The following TMTC1 variants were observed in gnomAD, a reference collection of about 807,000 sequenced individuals.
TMTC1 encodes the protein transmembrane O-mannosyltransferase targeting cadherins 1, also known as protein O-mannosyl-transferase TMTC1.
TMTC1 carries 73 observed loss-of-function variants against 104.8 expected under a neutral mutation model. The observed-to-expected ratio is 0.70, with a 90% CI of 0.58 to 0.85. The LOEUF is 0.85. TMTC1 is among the 40% of genes least tolerant of loss of function. The pLI is 0.00. For synonymous variants in TMTC1, 434 were observed against 428.7 expected, an observed-to-expected ratio of 1.01 and a Z score of -0.15; for missense variants, 1,035 against 1,096.1, an observed-to-expected ratio of 0.94 and a Z score of 0.79.
chr12:29,753,809 G>A (rs1345343304), intron 4 of TMTC1, among the ~76,000 whole-genome samples: 1 of 152,212 alleles, frequency 6.6e-6, no homozygotes, highest in Non-Finnish European at 1.5e-5. Context: ...ACAAAAGCAT[G>A]AAGAAAAGAA....
intron 5 of TMTC1, among the ~76,000 whole-genome samples, chr12:29,649,043 C>T (rs553786627): frequency 6.6e-6 from 1 of 152,216 alleles, no homozygotes; most frequent in Admixed American, 6.5e-5. Context: ...CCCACATTCA[C>T]TTGTCCTTGG....
chr12:29,745,803 T>C (rs182391739), intron 5 of TMTC1, among the ~76,000 whole-genome samples: 34 of 152,278 alleles, frequency 2.2e-4, no homozygotes, highest in African/African-American at 7.0e-4. Flanking sequence ...TTGGTCAGTG[T>C]CATTATATAG....
At chr12:29,628,259 A>C (rs1228303296) in intron 6 of TMTC1, among the ~76,000 whole-genome samples, 1 of 152,186 alleles carries the variant, frequency 6.6e-6, no homozygotes, top group Non-Finnish European at 1.5e-5. Context: ...TTCTGCCCCT[A>C]CATTACATAC....
At chr12:29,750,062 TACACACACACACAC>T (rs34859060) in intron 5 of TMTC1, among the ~76,000 whole-genome samples, 1 of 146,536 alleles carries the variant, frequency 6.8e-6, no homozygotes, top group East Asian at 2.0e-4. Flanking sequence ...TAACTGTCTA[TACACACACACACAC>T]ACACACACAC....
In TMTC1 at chr12:29,736,226, G is replaced by C. The variant is rs187742631; in HGVS notation, c.938+15440C>G. 2.2e-5 allele frequency among the ~76,000 whole-genome samples: 3 copies of C among 137,338 alleles called. No homozygotes were observed. The Admixed American group carries it at 2.3e-4, about 11-fold the overall frequency. 90.1% of individuals were successfully genotyped at this position (137,338 alleles called of 152,430 possible). A position where few individuals can be genotyped will look rare whatever the true frequency, so the allele number is the denominator to read the frequency against. ...CCAAAGGCTATGTTAAGGTAGACTTGAGCTCCACCCGTAGTTTCACTCCTT... is the reference window on the plus strand; with the variant it reads ...CCAAAGGCTATGTTAAGGTAGACTTCAGCTCCACCCGTAGTTTCACTCCTT... On this transcript the variant is annotated intron_variant, in intron 5 of 17. Transcript: ENST00000539277.
At chr12:29,617,673 C>T (rs1947024281) in intron 6 of TMTC1, among the ~76,000 whole-genome samples, 1 of 151,720 alleles carries the variant, frequency 6.6e-6, no homozygotes, top group Admixed American at 6.6e-5. Context: ...TTAAGGTGGA[C>T]AAGAAATGGA....
chr12:29,643,875 ATAAATT>A (rs1446962486), intron 5 of TMTC1, among the ~76,000 whole-genome samples: 1,197 of 75,792 alleles, frequency 0.016, 42 homozygotes, highest in African/African-American at 0.054. Context: ...ATTTTTATAT[ATAAATT>A]TAAATATATA....
intron 7 of TMTC1, among the ~76,000 whole-genome samples, chr12:29,596,738 C>A (rs1216073871): frequency 6.6e-6 from 1 of 152,192 alleles, no homozygotes; most frequent in Non-Finnish European, 1.5e-5. Context: ...CCCTCTACTG[C>A]ATTGTACTAT....
At position 29,556,978 on chromosome 12, in the gene TMTC1, C is replaced by A; in HGVS notation, c.1555G>T (p.Ala519Ser). The change falls in exon 10 of 18, where the codon GCG becomes TCG. Residue 519 changes from alanine to serine, a missense_variant. Coordinates refer to ENST00000539277, the MANE Select transcript of TMTC1 (RefSeq NM_001193451.2). ...GTCAGTGTTCCAAGGTTGTTGAGCG[C>A]ACTTGCATGGCGTGGATACAACCTG... is the stretch of plus-strand genomic sequence containing the variant. The part of the protein sequence containing the change: ...ALKLYPRHAS[A>S]LNNLGTLTRD... 6.2e-7 allele frequency: 1 copy of A among 1,614,104 alleles called. No individual in the cohort carries two copies. The highest frequency in any genetic ancestry group is 1.7e-5 in the Admixed American group (1 of 60,014).
chr12:29,572,970 TTC>T (rs1945722493), intron 8 of TMTC1, among the ~76,000 whole-genome samples: 1 of 152,220 alleles, frequency 6.6e-6, no homozygotes, highest in Admixed American at 6.5e-5. Flanking sequence ...GTGTCCTCTA[TTC>T]TCTGTCTTCT....
chr12:29,665,309 A>G (rs1940234268), intron 5 of TMTC1, among the ~76,000 whole-genome samples: 1 of 152,244 alleles, frequency 6.6e-6, no homozygotes, highest in South Asian at 2.1e-4. Flanking sequence ...ATTGTAAAAC[A>G]GTATTTGTAA....
At chr12:29,615,446 A>G (rs1383243766) in intron 6 of TMTC1, among the ~76,000 whole-genome samples, 3 of 152,206 alleles carry the variant, frequency 2.0e-5, no homozygotes, top group Non-Finnish European at 4.4e-5. Context: ...GAAGATACAA[A>G]TTTTTAACTT....
At chr12:29,642,744 T>C (rs1202266943) in intron 5 of TMTC1, among the ~76,000 whole-genome samples, 3 of 152,018 alleles carry the variant, frequency 2.0e-5, no homozygotes, top group African/African-American at 7.2e-5. Flanking sequence ...GCTAACATGG[T>C]GAAACCCCGT....
At chr12:29,779,022 C>T (rs1375543361) in intron 1 of TMTC1, among the ~76,000 whole-genome samples, 1 of 152,170 alleles carries the variant, frequency 6.6e-6, no homozygotes, top group Non-Finnish European at 1.5e-5. Context: ...AAGGCTCCAA[C>T]TTTAACAATG....
At chr12:29,655,231 C>T (rs1158437653) in intron 5 of TMTC1, among the ~76,000 whole-genome samples, 1 of 152,028 alleles carries the variant, frequency 6.6e-6, no homozygotes, top group Non-Finnish European at 1.5e-5. Flanking sequence ...TCTACAGACA[C>T]AGAAAGTAGA....
chr12:29,773,062 A>AT (rs965746012), intron 1 of TMTC1, among the ~76,000 whole-genome samples: 5 of 152,180 alleles, frequency 3.3e-5, no homozygotes, highest in Admixed American at 1.3e-4. Context: ...ATAAAATAAT[A>AT]TTTTTGGAAA....
chr12:29,752,023 C>A, intron 4 of TMTC1, 151 bp from the exon 5 acceptor site: 3 of 728,556 alleles, frequency 4.1e-6, no homozygotes, highest in Non-Finnish European at 6.6e-6. Flanking sequence ...ATATTTACTG[C>A]CATATTATTA....
intron 9 of TMTC1, chr12:29,568,808 T>C (rs1945588111): frequency 9.8e-6 from 4 of 409,116 alleles, no homozygotes; most frequent in Admixed American, 2.8e-5. Context: ...GGAGTTTTTG[T>C]GTAGGAAGGG....
intron 5 of TMTC1, among the ~76,000 whole-genome samples, chr12:29,681,075 GGC>G: frequency 6.9e-6 from 1 of 144,886 alleles, no homozygotes. Context: ...CACCAGCCTG[GGC>G]AACAGAGTAA....
Sources: allele counts gnomAD v4.1 joint callset (sites outside exome capture counted in the v4.1 genomes callset), GRCh38; gene constraint gnomAD v4.1.1; transcripts MANE v1.5; gene names NCBI Gene and HGNC (gene_info 2026-07-23, HGNC 2026-07-21).